Variants in PAK5 observed in about 807,000 individuals in gnomAD.
The protein encoded by PAK5 is p21 (RAC1) activated kinase 5, also known as serine/threonine-protein kinase PAK 5.
PAK5 carries 16 observed loss-of-function variants against 65.9 expected under a neutral mutation model. The ratio of observed to expected loss-of-function variants is 0.24; its 90% CI spans 0.16 to 0.37. The LOEUF is 0.37. Among genes scored for constraint, PAK5 ranks in the 10% least tolerant of loss-of-function variants. The pLI, the probability that PAK5 is intolerant of heterozygous loss-of-function variation, is 1.00. For missense variants in PAK5, 785 were observed against 903.9 expected (o/e 0.87, Z 1.69); for synonymous variants, 371 against 354.9 (o/e 1.05, Z -0.51).
intron 2 of PAK5, among the ~76,000 whole-genome samples, chr20:9,686,189 T>A (rs187097919): frequency 1.3e-5 from 2 of 152,292 alleles, no homozygotes; most frequent in East Asian, 3.9e-4. Context: ...GTGGGCTATT[T>A]ATTCTTTGTG....
intron 3 of PAK5, among the ~76,000 whole-genome samples, chr20:9,602,291 AAAATAAATAAAT>A (rs200878141): frequency 0.22 from 30,801 of 141,902 alleles, 4,405 homozygotes; most frequent in African/African-American, 0.41. Flanking sequence ...CTCTGTCTCA[AAAATAAATAAAT>A]AAATAAATAA....
In PAK5 at chr20:9,700,271, C is replaced by T. The variant is rs184530923; in HGVS notation, c.-12+11015G>A. Among the ~76,000 whole-genome samples, 14 of 152,116 alleles carry T rather than the reference C, an allele frequency of 9.2e-5. No individual in the cohort carries two copies. In the East Asian group the frequency reaches 1.4e-3, roughly 15 times the overall value. ...TACAAAAATAAAAGAATTAGCTGGA[C>T]GTGATGGAAAGCACCTGTGGTCCCA... On this transcript the variant is annotated intron_variant, in intron 2 of 9. Transcript: ENST00000353224.
At chr20:9,612,746 C>G (rs1445470615) in intron 3 of PAK5, among the ~76,000 whole-genome samples, 1 of 152,060 alleles carries the variant, frequency 6.6e-6, no homozygotes, top group East Asian at 1.9e-4. Flanking sequence ...CCAGCTACCC[C>G]CAGAGGCGCT....
chr20:9,633,670 G>T (rs1253497935), intron 3 of PAK5, among the ~76,000 whole-genome samples: 1 of 152,144 alleles, frequency 6.6e-6, no homozygotes, highest in Non-Finnish European at 1.5e-5. Flanking sequence ...TCTGCTCTGG[G>T]AGTAGAGTTG....
chr20:9,800,451 C>A (rs1371824612), intron 1 of PAK5, among the ~76,000 whole-genome samples: 1 of 152,110 alleles, frequency 6.6e-6, no homozygotes. Context: ...TCTATTTGAA[C>A]TTCATGCCTG....
At chr20:9,607,899 T>C (rs1040054739) in intron 3 of PAK5, among the ~76,000 whole-genome samples, 3 of 152,178 alleles carry the variant, frequency 2.0e-5, no homozygotes, top group African/African-American at 7.2e-5. Flanking sequence ...TTAGTCGATT[T>C]AGACTGCTTT....
chr20:9,728,706 T>C (rs1434736625), intron 1 of PAK5, among the ~76,000 whole-genome samples: 1 of 151,586 alleles, frequency 6.6e-6, no homozygotes, highest in Non-Finnish European at 1.5e-5. Flanking sequence ...GTCTATAAGT[T>C]CAGTTTACAG....
At chr20:9,779,777 T>A (rs1408493654) in intron 1 of PAK5, among the ~76,000 whole-genome samples, 3 of 152,034 alleles carry the variant, frequency 2.0e-5, no homozygotes, top group Non-Finnish European at 4.4e-5. Flanking sequence ...GTAGAAGATT[T>A]TCTACTAAAG....
intron 1 of PAK5, among the ~76,000 whole-genome samples, chr20:9,776,156 G>A (rs1456097829): frequency 6.6e-6 from 1 of 152,174 alleles, no homozygotes; most frequent in Non-Finnish European, 1.5e-5. Context: ...TTGTGAAGCA[G>A]GAATATAGCA....
intron 1 of PAK5, among the ~76,000 whole-genome samples, chr20:9,733,800 G>A (rs886473989): frequency 1.3e-5 from 2 of 152,132 alleles, no homozygotes; most frequent in African/African-American, 2.4e-5. Context: ...ATGATGGCTG[G>A]TCATTTGAAA....
chr20:9,637,636 AT>A (rs1321019094), intron 3 of PAK5, among the ~76,000 whole-genome samples: 1 of 152,192 alleles, frequency 6.6e-6, no homozygotes, highest in Non-Finnish European at 1.5e-5. Context: ...AGCTAGAGTA[AT>A]TTTTAAATAA....
chr20:9,679,061 T>C (rs2047614652), intron 2 of PAK5, among the ~76,000 whole-genome samples: 1 of 152,086 alleles, frequency 6.6e-6, no homozygotes. Flanking sequence ...AAGACCAACC[T>C]CTCCTGTTCC....
intron 4 of PAK5, among the ~76,000 whole-genome samples, chr20:9,571,397 G>A (rs1270070341): frequency 6.6e-6 from 1 of 152,186 alleles, no homozygotes; most frequent in Non-Finnish European, 1.5e-5. Flanking sequence ...CCATTTTGTG[G>A]TTGATAAAAT....
At chr20:9,638,806 A>G (rs918928511) in intron 3 of PAK5, among the ~76,000 whole-genome samples, 11 of 152,192 alleles carry the variant, frequency 7.2e-5, no homozygotes, top group Non-Finnish European at 1.3e-4. Flanking sequence ...CTAATCAAGG[A>G]AGAGTGTTGG....
intron 3 of PAK5, among the ~76,000 whole-genome samples, chr20:9,608,731 T>C (rs1379127908): frequency 6.6e-6 from 1 of 152,248 alleles, no homozygotes; most frequent in Admixed American, 6.5e-5. Context: ...AATTAATTTA[T>C]AGGAAGCTGC....
chr20:9,693,846 C>G (rs1157255897), intron 2 of PAK5, among the ~76,000 whole-genome samples: 1 of 152,022 alleles, frequency 6.6e-6, no homozygotes, highest in Non-Finnish European at 1.5e-5. Flanking sequence ...AAAATAATAC[C>G]TCTATCTAGT....
chr20:9,691,523 A>G (rs2123433904), intron 2 of PAK5, among the ~76,000 whole-genome samples: 1 of 152,346 alleles, frequency 6.6e-6, no homozygotes, highest in South Asian at 2.1e-4. Flanking sequence ...GGGTTTAAAT[A>G]GTAAACAACC....
intron 3 of PAK5, among the ~76,000 whole-genome samples, chr20:9,621,192 T>C (rs2046761663): frequency 6.6e-6 from 1 of 151,710 alleles, no homozygotes. Context: ...GACTGACAAG[T>C]AGAAGAGATG....
intron 1 of PAK5, among the ~76,000 whole-genome samples, chr20:9,753,671 C>A (rs767735368): frequency 2.5e-4 from 38 of 152,214 alleles, no homozygotes; most frequent in South Asian, 6.2e-4. Flanking sequence ...AAAGGGAAAT[C>A]CTAATCAAAA....
Sources: gnomAD v4.1 joint callset for allele counts (sites outside exome capture counted in the v4.1 genomes callset) on GRCh38, gnomAD v4.1.1 for gene constraint, MANE v1.5 for transcripts, NCBI Gene and HGNC (gene_info 2026-07-23, HGNC 2026-07-21) for gene names.